The following SIM1 variants were observed in gnomAD, a reference collection of about 807,000 sequenced individuals.
SIM1 encodes SIM bHLH transcription factor 1, also known as single-minded homolog 1.
Under a neutral mutation model 78.2 loss-of-function variants are expected in SIM1, and 18 were observed. That is an observed-to-expected ratio of 0.23 (90% CI 0.16 to 0.34). The LOEUF (loss-of-function observed/expected upper bound fraction) is 0.34, where lower values mean the gene tolerates loss of function less well. Ranked by LOEUF, SIM1 falls within the 10% of genes least tolerant of loss-of-function variation. The pLI is 1.00. For synonymous variants in SIM1, 417 were observed against 385.2 expected, an observed-to-expected ratio of 1.08 and a Z score of -0.97; for missense variants, 939 against 975.1, an observed-to-expected ratio of 0.96 and a Z score of 0.49.
chr6:100,461,168 G>A (rs1022104300), intron 2 of SIM1, among the ~76,000 whole-genome samples: 5 of 152,188 alleles, frequency 3.3e-5, no homozygotes, highest in Non-Finnish European at 7.3e-5. Flanking sequence ...ACTCCAGCGG[G>A]AGCCTTCATT....
chr6:100,400,754 C>T (rs566736732), intron 10 of SIM1, among the ~76,000 whole-genome samples: 7 of 152,070 alleles, frequency 4.6e-5, no homozygotes, highest in Non-Finnish European at 1.0e-4. Context: ...AACACACTAG[C>T]TAATAAACGG....
rs1025455327 is a variant in SIM1, at chr6:100,387,170, C to T, written c.*3191G>A. The T allele has an allele frequency of 1.3e-5, 2 of 151,864 alleles. No homozygotes were observed. The highest frequency in any genetic ancestry group is 6.6e-5 in the Admixed American group (1 of 15,248). The allele number at this position is 151,864 out of a possible 1,614,324, so 9.4% of individuals were successfully genotyped here. A position where few individuals can be genotyped will look rare whatever the true frequency, so the allele number is the denominator to read the frequency against. The stretch of plus-strand genomic sequence containing the variant: ...TCTAATGAATTGATACATATTATAC[C>T]AGTAATTGGATAGAGCACATTTTTA... On this transcript the variant is annotated 3_prime_UTR_variant, in exon 12 of 12. Coordinates refer to ENST00000369208, the MANE Select transcript of SIM1 (RefSeq NM_005068.3).
chr6:100,448,735 G>A, intron 6 of SIM1, 57 bp from the exon 7 acceptor site: 1 of 1,489,504 alleles, frequency 6.7e-7, no homozygotes, highest in Non-Finnish European at 9.2e-7. Context: ...GCCCCCAAAA[G>A]GTGGAGAAGG....
Position 100,420,758 on chromosome 6 carries a change from AAAAG to A in SIM1, c.1167+28_1167+31del, listed in dbSNP as rs770573999. ...TCAAGTTCAAACCATGTCGCCAAAA[AAAAG>A]AAAGTTGCAAAACAGCAATGCACTT... On this transcript the variant is annotated intron_variant, in intron 10 of 11. Transcript: ENST00000369208. 4.0e-5 allele frequency: 64 copies of A among 1,611,062 alleles called. No individual in the cohort carries two copies. The Admixed American group carries it at 6.5e-4, about 16-fold the overall frequency.
intron 10 of SIM1, among the ~76,000 whole-genome samples, chr6:100,406,999 G>A (rs562590981): frequency 2.7e-4 from 41 of 152,068 alleles, no homozygotes; most frequent in Non-Finnish European, 3.5e-4. Context: ...CACCCTCCAA[G>A]CCCTGACAAC....
At chr6:100,429,573 C>G (rs1178892540) in intron 9 of SIM1, among the ~76,000 whole-genome samples, 1 of 152,076 alleles carries the variant, frequency 6.6e-6, no homozygotes, top group Non-Finnish European at 1.5e-5. Context: ...AAAATTATCT[C>G]TCTTTGACAT....
intron 3 of SIM1, among the ~76,000 whole-genome samples, chr6:100,453,452 C>G (rs1772564403): frequency 6.6e-6 from 1 of 152,092 alleles, no homozygotes; most frequent in Non-Finnish European, 1.5e-5. Context: ...GTTCCCTCAG[C>G]CCAATGGAGA....
At chr6:100,408,346 A>G (rs1341947246) in intron 10 of SIM1, among the ~76,000 whole-genome samples, 2 of 151,962 alleles carry the variant, frequency 1.3e-5, no homozygotes, top group African/African-American at 4.8e-5. Context: ...ATGGATTATT[A>G]TAGCTTTGTA....
intron 9 of SIM1, among the ~76,000 whole-genome samples, chr6:100,424,579 G>A (rs1033529308): frequency 6.6e-6 from 1 of 151,976 alleles, no homozygotes; most frequent in Non-Finnish European, 1.5e-5. Flanking sequence ...GGGACTACAG[G>A]CATGCACCAC....
At chr6:100,460,085 A>T (rs1411788095) in intron 2 of SIM1, among the ~76,000 whole-genome samples, 1 of 152,072 alleles carries the variant, frequency 6.6e-6, no homozygotes, top group Non-Finnish European at 1.5e-5. Flanking sequence ...TTTCTCTGAA[A>T]TCTCCAATCT....
chr6:100,457,223 TC>T (rs1274660639), intron 2 of SIM1, among the ~76,000 whole-genome samples: 2 of 152,248 alleles, frequency 1.3e-5, no homozygotes, highest in Non-Finnish European at 2.9e-5. Context: ...TTAAAATTTT[TC>T]TTTATTTTAA....
At chr6:100,391,662 G>A (rs1399492999) in intron 11 of SIM1, among the ~76,000 whole-genome samples, 1 of 152,094 alleles carries the variant, frequency 6.6e-6, no homozygotes, top group Non-Finnish European at 1.5e-5. Context: ...TTACAATAAA[G>A]CTCTAATGTT....
At chr6:100,447,467 G>GC (rs1229631541) in intron 8 of SIM1, 52 bp from the exon 9 acceptor site, 6 of 1,608,398 alleles carry the variant, frequency 3.7e-6, no homozygotes, top group Non-Finnish European at 5.1e-6. Context: ...CCTGGGACTG[G>GC]CCCCAAATGC....
In SIM1 at chr6:100,393,557, C is replaced by G. The variant is rs1315227102; in HGVS notation, c.1500G>C (p.Lys500Asn). 1 of 1,606,956 alleles carries G rather than the reference C, an allele frequency of 6.2e-7. No individual in the cohort carries two copies. The highest frequency in any genetic ancestry group is 8.5e-7 in the Non-Finnish European group (1 of 1,174,728). ...AGGCTTCTCTGCTTTCTGGGGAGGC[C>G]TTTGTCAGGGGCAAGGCTGCGCGAG... ...WGSRAALPLT[K>N]ASPESREAYE... The change falls in exon 11 of 12, where the codon AAG (lysine) becomes AAC (asparagine). Residue 500 changes from lysine (K) to asparagine (N), a missense_variant. Around this residue, in one of 5 missense-constraint regions of SIM1, gnomAD observed 556 missense variants for 521.9 expected, o/e 1.07. Coordinates refer to ENST00000369208, the MANE Select transcript of SIM1 (RefSeq NM_005068.3).
chr6:100,415,069 C>T (rs1043719345), intron 10 of SIM1, among the ~76,000 whole-genome samples: 2 of 152,118 alleles, frequency 1.3e-5, no homozygotes, highest in Non-Finnish European at 2.9e-5. Flanking sequence ...TTATTACTGA[C>T]TAGGGAAAAG....
intron 9 of SIM1, among the ~76,000 whole-genome samples, chr6:100,433,811 C>T (rs1771970484): frequency 1.5e-5 from 2 of 137,506 alleles, no homozygotes; most frequent in Admixed American, 1.7e-4. Flanking sequence ...TAAAAACTTA[C>T]ATTTCATGAG....
At chr6:100,413,009 C>G (rs1771300441) in intron 10 of SIM1, among the ~76,000 whole-genome samples, 1 of 152,190 alleles carries the variant, frequency 6.6e-6, no homozygotes, top group Non-Finnish European at 1.5e-5. Context: ...TATTGGTTCT[C>G]TCACTATCTG....
rs1772948077 is a variant in SIM1 at position 100,464,767 on chromosome 6, T to A, written c.-621A>T. ...CGGCTCCCTTTTCTGGATCATGAAT[T>A]GGAGGAGGGGTGCGTGGCAGAAAGA... is the stretch of plus-strand genomic sequence containing the variant. On this transcript the variant is annotated 5_prime_UTR_variant, in exon 1 of 12. Transcript: ENST00000369208. 6.6e-6 allele frequency: 1 copy of A among 152,124 alleles called. No individual in the cohort carries two copies. 9.4% of individuals were successfully genotyped at this position (152,124 alleles called of 1,614,324 possible).
At position 100,388,968 on chromosome 6, in the gene SIM1, T is replaced by C. The variant is rs1770572236; in HGVS notation, c.*1393A>G. On this transcript the variant is annotated 3_prime_UTR_variant, in exon 12 of 12. Coordinates refer to ENST00000369208, the MANE Select transcript of SIM1 (RefSeq NM_005068.3). ...TCTGTGTACAGAAAAAACAGAATGA[T>C]CAGTCTTGACAACTCATAGCAGAGA... is the stretch of plus-strand genomic sequence containing the variant. 6.6e-6 allele frequency: 1 copy of C among 152,210 alleles called. No homozygotes were observed. Among genetic ancestry groups the C allele is most frequent in the South Asian group, 2.1e-4 (1 of 4,830 alleles). 9.4% of individuals were successfully genotyped at this position (152,210 alleles called of 1,614,324 possible).
Sources: gnomAD v4.1 joint callset for allele counts (sites outside exome capture counted in the v4.1 genomes callset) on GRCh38, gnomAD v4.1.1 for gene constraint, gnomAD v4.1.1 regional missense constraint, MANE v1.5 for transcripts, NCBI Gene and HGNC (gene_info 2026-07-23, HGNC 2026-07-21) for gene names.